The following EXD3 variants were observed in gnomAD, a reference collection of about 807,000 sequenced individuals.
The protein encoded by EXD3 is exonuclease 3'-5' domain containing 3.
Under a neutral mutation model 98.0 loss-of-function variants are expected in EXD3, and 92 were observed. The observed-to-expected ratio is 0.94, with a 90% confidence interval of 0.79 to 1.12. The LOEUF (loss-of-function observed/expected upper bound fraction) is 1.12, where lower values mean the gene tolerates loss of function less well. Ranked by LOEUF, EXD3 falls within the 50% of genes most tolerant of loss-of-function variation. The probability of loss-of-function intolerance (pLI) is 0.00; values close to 1 mark genes in which losing one functional copy is unlikely to be tolerated. For missense variants in EXD3, 1,222 were observed against 1,191.6 expected (o/e 1.03, Z -0.38); for synonymous variants, 569 against 526.0 (o/e 1.08, Z -1.12).
Position 137,355,444 on chromosome 9 carries a change from G to GA in EXD3, c.758-672_758-671insT, listed in dbSNP as rs1314102861. 4.9e-4 allele frequency among the ~76,000 whole-genome samples: 13 copies of GA among 26,282 alleles called. 2 individuals are homozygous for GA. Among genetic ancestry groups the GA allele is most frequent in the African/African-American group, 1.2e-3 (10 of 8,316 alleles). The allele number at this position is 26,282 out of a possible 152,430, so 17.2% of individuals were successfully genotyped here. A position where few individuals can be genotyped will look rare whatever the true frequency, so the allele number is the denominator to read the frequency against. ...GAAGGAGGAAGGAGGATGGAGGAAG[G>GA]GAGGATGGAGGAAGGAGAAAGGAGG... On this transcript the variant is annotated intron_variant, in intron 8 of 21. Transcript: ENST00000340951.
At chr9:137,331,642 G>A (rs1000899374) in intron 17 of EXD3, among the ~76,000 whole-genome samples, 3 of 152,180 alleles carry the variant, frequency 2.0e-5, no homozygotes, top group South Asian at 4.1e-4. Flanking sequence ...CAGGCCAGGC[G>A]CGGTGGCTCA....
chr9:137,410,050 C>T (rs966267515), intron 1 of EXD3, among the ~76,000 whole-genome samples: 1 of 151,926 alleles, frequency 6.6e-6, no homozygotes, highest in Non-Finnish European at 1.5e-5. Context: ...GTGGCAGGTG[C>T]CTGTAATCCC....
At chr9:137,398,452 G>A (rs904448329) in intron 1 of EXD3, among the ~76,000 whole-genome samples, 20 of 152,218 alleles carry the variant, frequency 1.3e-4, no homozygotes, top group South Asian at 2.1e-4. Context: ...AGGCAGAACC[G>A]CAAGGGAGGA....
rs995792588 is a variant in EXD3 at position 137,371,051 on chromosome 9, C to A, written c.462+1854G>T. On this transcript the variant is annotated intron_variant, in intron 5 of 21. Coordinates refer to ENST00000340951, the MANE Select transcript of EXD3 (RefSeq NM_017820.5). The surrounding 1 kb of genome is among the most constrained non-coding windows in gnomAD (Gnocchi z 8.0). ...GCATCGCCTGCCGGGCGGCCCCGCT[C>A]GGGGACAATGGCTTTCTTCGCAGAA... Among the ~76,000 whole-genome samples the A allele has an allele frequency of 3.3e-5, 5 of 152,286 alleles. No individual in the cohort carries two copies. In the East Asian group the frequency reaches 7.7e-4, roughly 24 times the overall value.
chr9:137,408,268 G>A (rs1340474948), intron 1 of EXD3, among the ~76,000 whole-genome samples: 2 of 152,070 alleles, frequency 1.3e-5, no homozygotes, highest in East Asian at 3.9e-4. Context: ...GGGTGGGGGG[G>A]CCGGGCATGG....
At chr9:137,337,067 C>T (rs561510425) in intron 17 of EXD3, among the ~76,000 whole-genome samples, 4 of 151,960 alleles carry the variant, frequency 2.6e-5, no homozygotes, top group East Asian at 1.9e-4. Context: ...AAGTGCTTTA[C>T]GAGTAATAAC....
chr9:137,350,900 G>T (rs1360623121), intron 14 of EXD3, 138 bp downstream of exon 14: 9 of 681,774 alleles, frequency 1.3e-5, no homozygotes, highest in Non-Finnish European at 2.0e-5. Flanking sequence ...CTGCTCTGGG[G>T]CCCTGGTGAC....
Position 137,349,328 on chromosome 9 carries a change from G to T in EXD3, c.1657+41C>A. On this transcript the variant is annotated intron_variant, in intron 15 of 21. Transcript: ENST00000340951. This position sits in a 1 kb window ranked among gnomAD's most constrained non-coding sequence, Gnocchi z 7.4. ...AGCCTCCCGGGACAGAGGGCGGGAG[G>T]GGCGTGAGGAGGGGTCACTCCCACC... is the stretch of plus-strand genomic sequence containing the variant. 1 of 1,553,198 alleles carries T rather than the reference G, an allele frequency of 6.4e-7. No homozygotes were observed.
In EXD3 at chr9:137,373,034, G is replaced by A. The variant is rs1193694993; in HGVS notation, c.333C>T (p.Val111=). The change falls in exon 5 of 22, where the codon GTC becomes GTT. Residue 111 remains valine, a synonymous_variant. Transcript: ENST00000340951. ...LRLKQLQARA[V]KVLTESPPSL... ...TGGGGGGGCTCTCAGTGAGGACTTT[G>A]ACCGCTCGGGCCTGCAGCTGCTTCA... 1 of 1,601,268 alleles carries A rather than the reference G, an allele frequency of 6.2e-7. No homozygotes were observed. Among genetic ancestry groups the A allele is most frequent in the African/African-American group, 1.3e-5 (1 of 74,988 alleles).
intron 1 of EXD3, among the ~76,000 whole-genome samples, chr9:137,413,783 ACAAC>A (rs1838110159): frequency 6.6e-6 from 1 of 151,804 alleles, no homozygotes; most frequent in Admixed American, 6.6e-5. Context: ...TGCCCCAAAG[ACAAC>A]CAACCATGTG....
intron 3 of EXD3, chr9:137,374,573 C>A (rs1835801725): frequency 1.0e-6 from 1 of 985,502 alleles, no homozygotes; most frequent in Non-Finnish European, 1.2e-6. Context: ...TGACAAATCT[C>A]CCCACAAACA....
intron 19 of EXD3, among the ~76,000 whole-genome samples, chr9:137,322,706 T>G (rs13295446): frequency 5.5e-5 from 3 of 54,082 alleles, no homozygotes; most frequent in Admixed American, 1.9e-4. Context: ...CCCAAGAGAT[T>G]CTCTGCCGAC....
At chr9:137,331,515 A>G (rs945707449) in intron 17 of EXD3, among the ~76,000 whole-genome samples, 2 of 152,178 alleles carry the variant, frequency 1.3e-5, no homozygotes, top group Non-Finnish European at 2.9e-5. Flanking sequence ...AAAACCCTAA[A>G]GGCTCCTCCA....
intron 1 of EXD3, among the ~76,000 whole-genome samples, chr9:137,401,759 C>T (rs914969325): frequency 3.3e-5 from 5 of 152,178 alleles, no homozygotes; most frequent in African/African-American, 4.8e-5. Flanking sequence ...GCACAGGGAC[C>T]CTGGGCCCAG....
At chr9:137,392,773 G>A (rs1375359652) in intron 2 of EXD3, 5 of 333,838 alleles carry the variant, frequency 1.5e-5, no homozygotes, top group Non-Finnish European at 2.9e-5. Flanking sequence ...AGGGGGCACC[G>A]AGGCTGTTCC....
intron 2 of EXD3, among the ~76,000 whole-genome samples, chr9:137,387,786 C>A (rs1201064016): frequency 6.6e-6 from 1 of 152,238 alleles, no homozygotes; most frequent in Non-Finnish European, 1.5e-5. Flanking sequence ...GAGGTCGCCT[C>A]CTCGTGCAGT....
chr9:137,358,729 C>T (rs1834914841), intron 7 of EXD3, among the ~76,000 whole-genome samples: 1 of 152,244 alleles, frequency 6.6e-6, no homozygotes, highest in African/African-American at 2.4e-5. Flanking sequence ...CACTCTGTCC[C>T]CCAGGCTGGA....
intron 8 of EXD3, among the ~76,000 whole-genome samples, chr9:137,355,551 AG>A (rs2119251420): frequency 4.0e-5 from 4 of 100,352 alleles, no homozygotes; most frequent in Admixed American, 2.3e-4. Context: ...AGGAGGAAGG[AG>A]GAAGGAGGAA....
chr9:137,368,454 G>A (rs992835564), intron 5 of EXD3, among the ~76,000 whole-genome samples: 4 of 152,332 alleles, frequency 2.6e-5, no homozygotes, highest in Admixed American at 6.5e-5. Flanking sequence ...CTGAGGCCTG[G>A]GGGGTCCTAG....
Sources: allele counts gnomAD v4.1 joint callset (sites outside exome capture counted in the v4.1 genomes callset), GRCh38; gene constraint gnomAD v4.1.1; non-coding constraint Gnocchi (gnomAD v3.1); transcripts MANE v1.5; gene names NCBI Gene and HGNC (gene_info 2026-07-23, HGNC 2026-07-21).